MKRN2OS: variants seen among roughly 807,000 people sequenced by gnomAD.
MKRN2OS encodes MKRN2 opposite strand protein.
In MKRN2OS, 17 loss-of-function variants were observed where a neutral mutation model predicts 18.2. The observed-to-expected ratio is 0.93, with a 90% CI of 0.64 to 1.40. The LOEUF (loss-of-function observed/expected upper bound fraction) is 1.40. MKRN2OS is among the 40% of genes most tolerant of loss of function. The probability of loss-of-function intolerance (pLI) is 0.00; values close to 1 mark genes in which losing one functional copy is unlikely to be tolerated. For synonymous variants in MKRN2OS, 121 were observed against 108.5 expected (o/e 1.12, Z -0.72); for missense variants, 337 against 283.0 (o/e 1.19, Z -1.37).
Position 12,543,225 on chromosome 3 carries a change from A to G in MKRN2OS, c.223T>C (p.Tyr75His). 6.5e-7 allele frequency: 1 copy of G among 1,534,106 alleles called. No individual in the cohort carries two copies. Among genetic ancestry groups the G allele is most frequent in the Non-Finnish European group, 8.7e-7 (1 of 1,146,322 alleles). The change falls in exon 2 of 4, where the codon TAT (tyrosine) becomes CAT (histidine). Residue 75 changes from tyrosine (Y) to histidine (H), a missense_variant. Transcript: ENST00000564146. ...ACATGAAGATCAGACCTTCCATCAT[A>G]CTCTCTGAAAGAAACAAGGTTTGTT... Reference protein sequence around the residue: ...RPTQGTFLREYDGRSDLHVGI... With the variant: ...RPTQGTFLREHDGRSDLHVGI...
chr3:12,555,553 A>G (rs558663026), intron 1 of MKRN2OS, among the ~76,000 whole-genome samples: 5 of 152,320 alleles, frequency 3.3e-5, no homozygotes, highest in African/African-American at 9.6e-5. Flanking sequence ...CATACATAAC[A>G]TGGAAAGATC....
chr3:12,555,136 C>G (rs2057957515), intron 1 of MKRN2OS, among the ~76,000 whole-genome samples: 1 of 151,986 alleles, frequency 6.6e-6, no homozygotes, highest in African/African-American at 2.4e-5. Flanking sequence ...AGGGTGAAAC[C>G]CCGTCGCTAC....
chr3:12,550,433 A>G (rs1334035380), upstream of MKRN2OS, among the ~76,000 whole-genome samples: 2 of 152,198 alleles, frequency 1.3e-5, no homozygotes, highest in Admixed American at 1.3e-4. Context: ...GAAGGGAGGG[A>G]TAAATAGGCA....
At chr3:12,545,196 C>A in intron 1 of MKRN2OS, 51 bp downstream of exon 1, 1 of 1,385,876 alleles carries the variant, frequency 7.2e-7, no homozygotes, top group South Asian at 1.4e-5. Context: ...GTGACTAAAA[C>A]AGAAGGAAAA....
At chr3:12,554,256 A>C (rs2057949715) in intron 1 of MKRN2OS, 1 of 152,082 alleles carries the variant, frequency 6.6e-6, no homozygotes. Flanking sequence ...GGGTGAGGAA[A>C]GTGAGTTCCA....
Position 12,542,830 on chromosome 3 carries a change from G to C in MKRN2OS, c.268+350C>G, listed in dbSNP as rs190734957. Among the ~76,000 whole-genome samples, 867 of 152,196 alleles carry C rather than the reference G, an allele frequency of 5.7e-3. 28 individuals are homozygous for C. The highest frequency in any genetic ancestry group is 1.0e-3 in the Non-Finnish European group (71 of 68,002). On this transcript the variant is annotated intron_variant, in intron 2 of 3. Transcript: ENST00000564146. ...CTGAGCATAGGATTGGAAGTCAGAG[G>C]GCCTGGTTCCAAATTCTGCTTCAGA... is the stretch of plus-strand genomic sequence containing the variant.
intron 1 of MKRN2OS, among the ~76,000 whole-genome samples, chr3:12,556,233 C>T (rs1181798362): frequency 6.6e-6 from 1 of 152,016 alleles, no homozygotes. Flanking sequence ...CCTGTAATTC[C>T]AGCTACGTGG....
intron 1 of MKRN2OS, among the ~76,000 whole-genome samples, chr3:12,557,854 C>T (rs1394054063): frequency 6.6e-6 from 1 of 152,164 alleles, no homozygotes. Flanking sequence ...CTGAGAGAGC[C>T]ATTTACGAGG....
intron 1 of MKRN2OS, chr3:12,557,136 C>G (rs572518149): frequency 4.6e-6 from 7 of 1,511,800 alleles, no homozygotes; most frequent in Non-Finnish European, 6.2e-6. Context: ...ACGACGGTCC[C>G]TCAGCCCAGC....
chr3:12,559,415 G>A (rs754825020), intron 1 of MKRN2OS, among the ~76,000 whole-genome samples: 1 of 151,870 alleles, frequency 6.6e-6, no homozygotes, highest in African/African-American at 2.4e-5. Context: ...CAGCGTGTGC[G>A]GTTTTTTGTG....
At chr3:12,556,448 T>C (rs1465595655) in intron 1 of MKRN2OS, among the ~76,000 whole-genome samples, 1 of 152,024 alleles carries the variant, frequency 6.6e-6, no homozygotes, top group Non-Finnish European at 1.5e-5. Flanking sequence ...GAGGACGCAT[T>C]GGACAGAGGT....
downstream of MKRN2OS, among the ~76,000 whole-genome samples, chr3:12,550,644 T>C (rs2057923024): frequency 6.6e-6 from 1 of 152,232 alleles, no homozygotes; most frequent in African/African-American, 2.4e-5. Context: ...ATTCCTGCTC[T>C]GAAGCTTTTT....
upstream of MKRN2OS, among the ~76,000 whole-genome samples, chr3:12,548,329 T>C (rs953827128): frequency 6.6e-6 from 1 of 152,012 alleles, no homozygotes; most frequent in Admixed American, 6.6e-5. Flanking sequence ...GTGTCTGCAG[T>C]CCCAGCTACT....
At chr3:12,548,165 C>T (rs2057900078), upstream of MKRN2OS, among the ~76,000 whole-genome samples, 1 of 150,386 alleles carries the variant, frequency 6.6e-6, no homozygotes, top group Admixed American at 6.6e-5. Flanking sequence ...CAATAATTAG[C>T]CGGTCGGGCG....
chr3:12,548,135 C>T (rs1173426957), upstream of MKRN2OS, among the ~76,000 whole-genome samples: 1 of 151,782 alleles, frequency 6.6e-6, no homozygotes, highest in East Asian at 1.9e-4. Context: ...TATGGTGAAA[C>T]CCCGTCTCTA....
chr3:12,551,426 CGA>C (rs1254321835), downstream of MKRN2OS, among the ~76,000 whole-genome samples: 1 of 150,786 alleles, frequency 6.6e-6, no homozygotes, highest in Non-Finnish European at 1.5e-5. Flanking sequence ...ACCTGGGAGG[CGA>C]AGGCTGTGGT....
chr3:12,554,093 T>A (rs1457148683), exon 2 of MKRN2OS: 1 of 152,240 alleles, frequency 6.6e-6, no homozygotes, highest in East Asian at 1.9e-4. Context: ...TTCTATCTGA[T>A]AGCCTTTTTC....
At position 12,541,904 on chromosome 3, in the gene MKRN2OS, C is replaced by T; in HGVS notation, c.387G>A (p.Lys129=). 2.0e-6 allele frequency: 3 copies of T among 1,536,070 alleles called. No individual in the cohort carries two copies. The highest frequency in any genetic ancestry group is 2.6e-6 in the Non-Finnish European group (3 of 1,146,878). Residue 129 remains lysine (K), a synonymous_variant, in exon 3 of 4, where the codon AAG becomes AAA. Transcript: ENST00000564146. The part of the protein sequence containing the change: ...NMYGMMEQWD[K]YLEDFSTSGA... ...CCGAGGTGGAGAAGTCTTCCAGGTA[C>T]TTGTCCCATTGCTCCATCATTCCAT...
rs746420472 is a variant in MKRN2OS, at chr3:12,540,870, T to TC, written c.432-438dup. On this transcript the variant is annotated intron_variant, in intron 3 of 3. Coordinates refer to ENST00000564146, the MANE Select transcript of MKRN2OS (RefSeq NM_001195279.2). Reference sequence around the variant, plus strand: ...GCCTGGGTGACAGAGTGAGTAAGACTCCATCTCAAAAAAAAAAAAAAAAAA... The same window carrying TC: ...GCCTGGGTGACAGAGTGAGTAAGACTCCCATCTCAAAAAAAAAAAAAAAAAA... Among the ~76,000 whole-genome samples, 146 of 96,074 alleles carry TC rather than the reference T, an allele frequency of 1.5e-3. 1 individual carries two copies. The highest frequency in any genetic ancestry group is 2.4e-3 in the Non-Finnish European group (125 of 51,550). The allele number at this position is 96,074 out of a possible 152,430, so 63.0% of individuals were successfully genotyped here.
Sources: gnomAD v4.1 joint callset for allele counts (sites outside exome capture counted in the v4.1 genomes callset) on GRCh38, gnomAD v4.1.1 for gene constraint, MANE v1.5 for transcripts, NCBI Gene and HGNC (gene_info 2026-07-23, HGNC 2026-07-21) for gene names.